LRRC36: variants seen among roughly 807,000 people sequenced by gnomAD.
LRRC36 encodes the protein leucine-rich repeat-containing protein 36.
In LRRC36, 62 loss-of-function variants were observed where a neutral mutation model predicts 81.1. That is an observed-to-expected ratio of 0.76 (90% CI 0.62 to 0.94). The LOEUF (loss-of-function observed/expected upper bound fraction) is 0.94, where lower values mean the gene tolerates loss of function less well. Among genes scored for constraint, LRRC36 ranks in the 40% least tolerant of loss-of-function variants. The pLI is 0.00. For synonymous variants in LRRC36, 334 were observed against 348.6 expected (o/e 0.96, Z 0.47); for missense variants, 761 against 881.7 (o/e 0.86, Z 1.73).
chr16:67,375,904 G>A (rs1415552640), intron 10 of LRRC36, among the ~76,000 whole-genome samples: 49 of 152,098 alleles, frequency 3.2e-4, no homozygotes, highest in Non-Finnish European at 4.4e-5. Flanking sequence ...TGCAAATGTT[G>A]GCTTCATGCA....
chr16:67,346,914 G>A (rs575647944), intron 3 of LRRC36, among the ~76,000 whole-genome samples: 3 of 151,834 alleles, frequency 2.0e-5, no homozygotes, highest in Non-Finnish European at 4.4e-5. Flanking sequence ...TCACTCTGTT[G>A]CCCAGGCTGG....
intron 1 of LRRC36, among the ~76,000 whole-genome samples, chr16:67,327,465 C>T (rs939327810): frequency 2.2e-4 from 34 of 152,076 alleles, no homozygotes; most frequent in Non-Finnish European, 3.8e-4. Flanking sequence ...TGCACTGCAG[C>T]CTGGGCGACA....
Position 67,385,076 on chromosome 16 carries a change from A to G in LRRC36, c.2252A>G (p.Glu751Gly), listed in dbSNP as rs757581272. Residue 751 changes from glutamate to glycine, a missense_variant, in exon 14 of 14, where the codon GAG becomes GGG. Glu to Gly is a moderately conservative substitution (Grantham distance 98). Around this residue, in one of 3 missense-constraint regions of LRRC36, gnomAD observed 359 missense variants for 388.4 expected, o/e 0.92. Transcript: ENST00000329956. ...CAGAGCGTCTTGGATGCTGCCCCAG[A>G]GCCTGGCTTATAGAGCTAGCATGGA... Reference protein sequence around the residue: ...LIQSVLDAAPEPGL With the variant: ...LIQSVLDAAPGPGL 2.5e-6 allele frequency: 4 copies of G among 1,613,618 alleles called. No individual in the cohort carries two copies. The African/African-American group carries it at 5.3e-5, about 22-fold the overall frequency.
chr16:67,344,138 T>A (rs1245609844), intron 2 of LRRC36, among the ~76,000 whole-genome samples: 1 of 152,172 alleles, frequency 6.6e-6, no homozygotes, highest in Non-Finnish European at 1.5e-5. Flanking sequence ...TTTATATTAA[T>A]CTTTAACAGT....
intron 1 of LRRC36, among the ~76,000 whole-genome samples, chr16:67,335,983 C>G (rs1031904747): frequency 2.0e-5 from 3 of 152,192 alleles, no homozygotes; most frequent in East Asian, 3.9e-4. Flanking sequence ...CCGCCCGTCT[C>G]GGTCTCCCAA....
intron 1 of LRRC36, among the ~76,000 whole-genome samples, chr16:67,341,366 C>G: frequency 6.7e-6 from 1 of 148,846 alleles, no homozygotes; most frequent in Non-Finnish European, 1.5e-5. Context: ...TAATTTAATT[C>G]TTGTAACACC....
rs2038400328 is a variant in LRRC36 at position 67,347,375 on chromosome 16, T to C, written c.392-120T>C. Reference sequence around the variant, plus strand: ...ATAGCATTATTTTGTGACCTGTCTCTAACACACCAAGATGAGACTGGTCCT... The same window carrying C: ...ATAGCATTATTTTGTGACCTGTCTCCAACACACCAAGATGAGACTGGTCCT... On this transcript the variant is annotated intron_variant, in intron 3 of 13. Transcript: ENST00000329956. The C allele has an allele frequency of 5.9e-6, 9 of 1,520,212 alleles. No homozygotes were observed. The South Asian group carries it at 1.1e-4, about 18-fold the overall frequency. The allele number at this position is 1,520,212 out of a possible 1,614,324, so 94.2% of individuals were successfully genotyped here. A position where few individuals can be genotyped will look rare whatever the true frequency, so the allele number is the denominator to read the frequency against.
At chr16:67,381,642 TCTCA>T (rs765200005) in intron 12 of LRRC36, among the ~76,000 whole-genome samples, 8 of 151,494 alleles carry the variant, frequency 5.3e-5, no homozygotes, top group Non-Finnish European at 7.4e-5. Context: ...TGAGACGGAG[TCTCA>T]CTCTGTTGCC....
At position 67,367,108 on chromosome 16, in the gene LRRC36, G is replaced by C. The variant is rs368367370; in HGVS notation, c.846G>C (p.Lys282Asn). 1 of 1,614,114 alleles carries C rather than the reference G, an allele frequency of 6.2e-7. No homozygotes were observed. Among genetic ancestry groups the C allele is most frequent in the South Asian group, 1.1e-5 (1 of 91,076 alleles). ...ACCAAGTATCTTTTTTGGACAATAA[G>C]TCTTCAGGTTCTTCTCCAGAAAAGG... ...EGYQVSFLDNKSSGSSPEKEL... is the reference protein window; with the variant it reads ...EGYQVSFLDNNSSGSSPEKEL... The change falls in exon 8 of 14, where the codon AAG becomes AAC. Residue 282 changes from lysine (K) to asparagine (N), a missense_variant. Around this residue, in one of 3 missense-constraint regions of LRRC36, gnomAD observed 139 missense variants for 214.0 expected, o/e 0.65. Transcript: ENST00000329956.
At chr16:67,352,538 C>T (rs1278878021) in intron 5 of LRRC36, among the ~76,000 whole-genome samples, 4 of 151,992 alleles carry the variant, frequency 2.6e-5, no homozygotes, top group Admixed American at 2.6e-4. Context: ...CCCATATCCC[C>T]GAAATAGGCG....
chr16:67,340,483 C>T (rs1357758919), intron 1 of LRRC36, among the ~76,000 whole-genome samples: 2 of 151,834 alleles, frequency 1.3e-5, no homozygotes, highest in African/African-American at 2.4e-5. Flanking sequence ...GGCAAAACCC[C>T]GTTTCTACCT....
chr16:67,333,413 T>C (rs1397086565), intron 1 of LRRC36, among the ~76,000 whole-genome samples: 1 of 152,212 alleles, frequency 6.6e-6, no homozygotes, highest in Non-Finnish European at 1.5e-5. Flanking sequence ...ATTACAGGCA[T>C]GAGCCACCAC....
chr16:67,342,298 C>T (rs921779119), intron 2 of LRRC36, among the ~76,000 whole-genome samples: 6 of 151,990 alleles, frequency 3.9e-5, no homozygotes, highest in Non-Finnish European at 8.8e-5. Context: ...TTTATACTCT[C>T]GGAAAACTAT....
At chr16:67,365,753 T>C (rs957969585) in intron 7 of LRRC36, among the ~76,000 whole-genome samples, 2 of 152,208 alleles carry the variant, frequency 1.3e-5, no homozygotes, top group Non-Finnish European at 2.9e-5. Context: ...GTTAATACCT[T>C]AAGTCTTCTT....
chr16:67,383,385 A>T (rs1329827389), intron 13 of LRRC36, among the ~76,000 whole-genome samples: 1 of 152,242 alleles, frequency 6.6e-6, no homozygotes, highest in Non-Finnish European at 1.5e-5. Context: ...AGTAAAGAGG[A>T]TAGCATAATA....
Position 67,367,413 on chromosome 16 carries a change from CAA to C in LRRC36, c.1153_1154del (p.Asn385ProfsTer2), listed in dbSNP as rs1477671240. ...TGTGGAGACTTATTAACTTCTCTGT[CAA>C]ACCCTGACTCCAGCACTGGAAGGCT... On this transcript the variant is annotated frameshift_variant, in exon 8 of 14. Transcript: ENST00000329956. LOFTEE classifies it high-confidence loss of function. The C allele has an allele frequency of 6.2e-7, 1 of 1,613,874 alleles. No homozygotes were observed. The highest frequency in any genetic ancestry group is 8.5e-7 in the Non-Finnish European group (1 of 1,179,804).
At chr16:67,368,013 C>T (rs1009522388) in intron 8 of LRRC36, among the ~76,000 whole-genome samples, 1 of 152,128 alleles carries the variant, frequency 6.6e-6, no homozygotes. Flanking sequence ...AAGCCAAGAT[C>T]GGGCCACTGC....
intron 2 of LRRC36, among the ~76,000 whole-genome samples, chr16:67,343,313 C>T (rs12928503): frequency 0.011 from 1,679 of 152,122 alleles, 20 homozygotes; most frequent in Middle Eastern, 0.065. Flanking sequence ...TATAATGCAG[C>T]GCTTCGGAAG....
At chr16:67,327,582 G>A (rs1284178909) in intron 1 of LRRC36, among the ~76,000 whole-genome samples, 2 of 152,176 alleles carry the variant, frequency 1.3e-5, no homozygotes, top group African/African-American at 4.8e-5. Context: ...TTGGATATAT[G>A]GGTCTGGACC....
Sources: gnomAD v4.1 joint callset for allele counts (sites outside exome capture counted in the v4.1 genomes callset) on GRCh38, gnomAD v4.1.1 for gene constraint, gnomAD v4.1.1 regional missense constraint, MANE v1.5 for transcripts, NCBI Gene and HGNC (gene_info 2026-07-23, HGNC 2026-07-21) for gene names.